The following GRAMD4 variants were observed in gnomAD, a reference collection of about 807,000 sequenced individuals.
The protein encoded by GRAMD4 is GRAM domain-containing protein 4.
In GRAMD4, 25 loss-of-function variants were observed where a neutral mutation model predicts 83.9. The ratio of observed to expected loss-of-function variants is 0.30; its 90% CI spans 0.22 to 0.42. The LOEUF is 0.42. Ranked by LOEUF, GRAMD4 falls within the 10% of genes least tolerant of loss-of-function variation. GRAMD4 has a pLI of 1.00. For synonymous variants in GRAMD4, 336 were observed against 320.9 expected (o/e 1.05, Z -0.50); for missense variants, 593 against 788.7 (o/e 0.75, Z 2.97).
chr22:46,577,765 G>A (rs1416475035), intron 1 of GRAMD4, among the ~76,000 whole-genome samples: 1 of 152,190 alleles, frequency 6.6e-6, no homozygotes, highest in Admixed American at 6.5e-5. Context: ...GTGGGCGCTT[G>A]TCCCCTCCGT....
chr22:46,577,540 C>T (rs1017079220), intron 1 of GRAMD4, among the ~76,000 whole-genome samples: 2 of 150,416 alleles, frequency 1.3e-5, no homozygotes, highest in South Asian at 2.1e-4. Context: ...GGGTTCTGCC[C>T]GCCGGCTGGG....
chr22:46,593,630 G>C (rs1005894923), intron 1 of GRAMD4, among the ~76,000 whole-genome samples: 2 of 152,140 alleles, frequency 1.3e-5, no homozygotes, highest in Non-Finnish European at 2.9e-5. Flanking sequence ...TTCATCATTT[G>C]GGCTTCCGGG....
At chr22:46,667,464 AC>A (rs1276236287) in intron 10 of GRAMD4, among the ~76,000 whole-genome samples, 2 of 152,178 alleles carry the variant, frequency 1.3e-5, no homozygotes, top group African/African-American at 4.8e-5. Context: ...CTTTTGCATT[AC>A]CCTTGAGTAG....
Position 46,661,410 on chromosome 22 carries a change from C to T in GRAMD4, c.434C>T (p.Pro145Leu), listed in dbSNP as rs771453482. ...RTEEQMAQQP[P>L]KGQAQASNGA... ...GAGGAGCAGATGGCTCAGCAGCCCC[C>T]AAAAGGGCAGGCCCAGGCCAGCAAT... The change falls in exon 5 of 19, where the codon CCA (proline) becomes CTA (leucine). Residue 145 changes from proline to leucine, a missense_variant. Around this residue, in one of 4 missense-constraint regions of GRAMD4, gnomAD observed 312 missense variants for 350.7 expected, o/e 0.89. Coordinates refer to ENST00000406902, the MANE Select transcript of GRAMD4 (RefSeq NM_015124.5). 3 of 1,602,714 alleles carry T rather than the reference C, an allele frequency of 1.9e-6. No homozygotes were observed. Among genetic ancestry groups the T allele is most frequent in the Non-Finnish European group, 2.6e-6 (3 of 1,174,068 alleles).
chr22:46,648,899 C>CATGG (rs1188010701), intron 3 of GRAMD4, among the ~76,000 whole-genome samples: 92 of 13,706 alleles, frequency 6.7e-3, no homozygotes, highest in South Asian at 0.012. Flanking sequence ...TGGATGGATG[C>CATGG]ATGGATGGAT....
At position 46,632,459 on chromosome 22, in the gene GRAMD4, C is replaced by A. The variant is rs544529010; in HGVS notation, c.163-5381C>A. ...GCTGAAGAACTGAGAAATGGCCAGG[C>A]CTACCACTCTAGTTTTATAGTGACA... On this transcript the variant is annotated intron_variant, in intron 2 of 18. Coordinates refer to ENST00000406902, the MANE Select transcript of GRAMD4 (RefSeq NM_015124.5). Among the ~76,000 whole-genome samples, 112 of 152,332 alleles carry A rather than the reference C, an allele frequency of 7.4e-4. No individual in the cohort carries two copies. The Middle Eastern group carries it at 0.027, about 37-fold the overall frequency.
At chr22:46,676,129 G>A (rs549563490) in intron 17 of GRAMD4, among the ~76,000 whole-genome samples, 16 of 152,302 alleles carry the variant, frequency 1.1e-4, no homozygotes, top group African/African-American at 3.4e-4. Flanking sequence ...TTGGCACGGC[G>A]GGCACTCCCG....
At chr22:46,581,362 A>T (rs2081096709) in intron 1 of GRAMD4, among the ~76,000 whole-genome samples, 1 of 152,210 alleles carries the variant, frequency 6.6e-6, no homozygotes, top group Non-Finnish European at 1.5e-5. Context: ...CATTTTACAG[A>T]TGAGGAAACT....
chr22:46,645,883 G>C (rs2082065372), intron 3 of GRAMD4, among the ~76,000 whole-genome samples: 1 of 152,228 alleles, frequency 6.6e-6, no homozygotes, highest in Non-Finnish European at 1.5e-5. Flanking sequence ...GCATCTGTTG[G>C]TCACTAGTCA....
chr22:46,629,877 G>T (rs1361780165), intron 2 of GRAMD4, among the ~76,000 whole-genome samples: 3 of 152,182 alleles, frequency 2.0e-5, no homozygotes, highest in Admixed American at 6.5e-5. Context: ...CCCATATGGG[G>T]CATCTCATAT....
intron 1 of GRAMD4, among the ~76,000 whole-genome samples, chr22:46,590,119 G>A (rs1400910285): frequency 1.3e-5 from 2 of 152,206 alleles, no homozygotes; most frequent in Non-Finnish European, 2.9e-5. Flanking sequence ...GCAGTCAGGA[G>A]AGCCTTGGCC....
Position 46,622,987 on chromosome 22 carries a change from T to G in GRAMD4, c.-50+2422T>G, listed in dbSNP as rs1490692798. 1.3e-5 allele frequency among the ~76,000 whole-genome samples: 2 copies of G among 151,944 alleles called. No individual in the cohort carries two copies. Among genetic ancestry groups the G allele is most frequent in the Admixed American group, 1.3e-4 (2 of 15,280 alleles). On this transcript the variant is annotated intron_variant, in intron 1 of 18. Coordinates refer to ENST00000406902, the MANE Select transcript of GRAMD4 (RefSeq NM_015124.5). This position sits in a 1 kb window ranked among gnomAD's most constrained non-coding sequence, Gnocchi z 4.0. ...GTGTTTTACCGTAATTAAAAAATAT[T>G]GTGGGAAAAGAAGTAATAGGGAGGC... is the stretch of plus-strand genomic sequence containing the variant.
chr22:46,593,287 C>G (rs1023931326), intron 1 of GRAMD4, among the ~76,000 whole-genome samples: 4 of 152,062 alleles, frequency 2.6e-5, no homozygotes, highest in Non-Finnish European at 5.9e-5. Flanking sequence ...CCCGGAACCT[C>G]ACATCAAGCA....
chr22:46,665,239 G>T (rs1366923099), intron 8 of GRAMD4, among the ~76,000 whole-genome samples: 3 of 152,222 alleles, frequency 2.0e-5, no homozygotes, highest in Non-Finnish European at 4.4e-5. Context: ...GTGGCCCCGG[G>T]CATGCACCTG....
In GRAMD4 at chr22:46,679,310, G is replaced by A; in HGVS notation, c.*2059G>A. On this transcript the variant is annotated 3_prime_UTR_variant, in exon 19 of 19. Coordinates refer to ENST00000406902, the MANE Select transcript of GRAMD4 (RefSeq NM_015124.5). ...GTTTAGTTCGAGTCCCTTTTGTGGA[G>A]AAAGGGAGATGAAAACTGACCACGT... 3.0e-6 allele frequency: 3 copies of A among 985,482 alleles called. No homozygotes were observed. The highest frequency in any genetic ancestry group is 3.6e-6 in the Non-Finnish European group (3 of 829,950). The allele number at this position is 985,482 out of a possible 1,614,324, so 61.0% of individuals were successfully genotyped here.
At chr22:46,597,174 C>T (rs1348344849) in intron 1 of GRAMD4, among the ~76,000 whole-genome samples, 1 of 152,160 alleles carries the variant, frequency 6.6e-6, no homozygotes, top group Non-Finnish European at 1.5e-5. Context: ...CTTGCAGGTG[C>T]CAGGTGTAGG....
intron 13 of GRAMD4, chr22:46,671,061 G>C (rs1169811836): frequency 4.3e-6 from 2 of 466,000 alleles, no homozygotes; most frequent in East Asian, 1.4e-4. Context: ...GCTGACAAGG[G>C]ACCTCAGCTT....
chr22:46,652,962 G>T (rs1246526042), intron 3 of GRAMD4, among the ~76,000 whole-genome samples: 1 of 152,214 alleles, frequency 6.6e-6, no homozygotes, highest in Non-Finnish European at 1.5e-5. Context: ...AGGCCGGTGC[G>T]ATGGAGTCGT....
intron 5 of GRAMD4, 39 bp downstream of exon 5, chr22:46,661,481 GT>G: frequency 7.6e-7 from 1 of 1,322,438 alleles, no homozygotes; most frequent in Non-Finnish European, 1.1e-6. Flanking sequence ...AGGCGGGCGG[GT>G]GGGTGGCTGC....
Sources: allele counts gnomAD v4.1 joint callset (sites outside exome capture counted in the v4.1 genomes callset), GRCh38; gene constraint gnomAD v4.1.1; regional missense constraint gnomAD v4.1.1; non-coding constraint Gnocchi (gnomAD v3.1); transcripts MANE v1.5; gene names NCBI Gene and HGNC (gene_info 2026-07-23, HGNC 2026-07-21).